CFAP95: variants seen among roughly 807,000 people sequenced by gnomAD.
The protein encoded by CFAP95 is cilia- and flagella-associated protein 95.
At chr9:69,901,908 G>A in the CFAP95 span, among the ~76,000 whole-genome samples, 6 of 152,154 alleles carry the variant, frequency 3.9e-5, no homozygotes, top group Non-Finnish European at 8.8e-5. Flanking sequence ...GTATCTCACT[G>A]TGGTTTTGAT....
At chr9:69,852,184 C>T in the CFAP95 span, among the ~76,000 whole-genome samples, 13 of 149,322 alleles carry the variant, frequency 8.7e-5, no homozygotes, top group African/African-American at 1.2e-4. Context: ...TTTTTGGCAA[C>T]GGTGCAGAAA....
the CFAP95 span, among the ~76,000 whole-genome samples, chr9:69,887,531 A>T: frequency 6.6e-6 from 1 of 152,260 alleles, no homozygotes; most frequent in Non-Finnish European, 1.5e-5. Flanking sequence ...TTTCCTTCAC[A>T]TCAACACTAA....
chr9:69,859,356 T>A, the CFAP95 span, among the ~76,000 whole-genome samples: 1 of 152,110 alleles, frequency 6.6e-6, no homozygotes. Flanking sequence ...TTTTTTTTGG[T>A]TTCATGACTT....
At chr9:69,869,000 C>T in the CFAP95 span, among the ~76,000 whole-genome samples, 2 of 152,060 alleles carry the variant, frequency 1.3e-5, no homozygotes, top group African/African-American at 4.8e-5. Flanking sequence ...AAAAGATAAG[C>T]GTTGGCAAGC....
the CFAP95 span, among the ~76,000 whole-genome samples, chr9:69,858,491 C>T: frequency 6.6e-6 from 1 of 152,164 alleles, no homozygotes; most frequent in African/African-American, 2.4e-5. Context: ...TGAAGTGCTG[C>T]CGTGTTCCTT....
the CFAP95 span, among the ~76,000 whole-genome samples, chr9:69,875,105 G>A: frequency 6.6e-6 from 1 of 152,146 alleles, no homozygotes; most frequent in African/African-American, 2.4e-5. Flanking sequence ...GAATATCCAT[G>A]TTGATTTCCC....
the CFAP95 span, chr9:69,886,820 T>C: frequency 1.2e-6 from 2 of 1,602,170 alleles, no homozygotes; most frequent in East Asian, 2.2e-5. Flanking sequence ...TCTTTCCTCA[T>C]TGACTTATCC....
At chr9:69,854,303 A>G in the CFAP95 span, among the ~76,000 whole-genome samples, 42 of 152,214 alleles carry the variant, frequency 2.8e-4, no homozygotes, top group African/African-American at 9.7e-4. Context: ...AGATATTTAG[A>G]ACAGTTTCTG....
chr9:69,849,389 A>G, the CFAP95 span, among the ~76,000 whole-genome samples: 10 of 152,240 alleles, frequency 6.6e-5, no homozygotes, highest in South Asian at 2.1e-3. Flanking sequence ...GAGGAAGGGA[A>G]GAGGACAAAA....
chr9:69,830,948 T>C, the CFAP95 span, among the ~76,000 whole-genome samples: 82 of 152,322 alleles, frequency 5.4e-4, no homozygotes, highest in Admixed American at 1.3e-3. Context: ...ATGTGTGCCA[T>C]TGCATCCAGA....
At chr9:69,866,626 CA>C in the CFAP95 span, among the ~76,000 whole-genome samples, 1 of 152,312 alleles carries the variant, frequency 6.6e-6, no homozygotes, top group Admixed American at 6.5e-5. Context: ...TCCACTGATT[CA>C]AAAGCTACTC....
At chr9:69,879,017 G>A in the CFAP95 span, among the ~76,000 whole-genome samples, 1 of 152,142 alleles carries the variant, frequency 6.6e-6, no homozygotes, top group African/African-American at 2.4e-5. Context: ...TCACTATTAT[G>A]ACGATGGCAC....
chr9:69,875,192 AT>A, the CFAP95 span, among the ~76,000 whole-genome samples: 1 of 151,974 alleles, frequency 6.6e-6, no homozygotes, highest in South Asian at 2.1e-4. Flanking sequence ...TTAAAAATTG[AT>A]TGTTGCCCTG....
chr9:69,824,194 C>A, the CFAP95 span, among the ~76,000 whole-genome samples: 1 of 152,064 alleles, frequency 6.6e-6, no homozygotes, highest in Non-Finnish European at 1.5e-5. Flanking sequence ...GGTTCCTGAG[C>A]AGGGTTTTGA....
chr9:69,843,759 GC>G, the CFAP95 span, among the ~76,000 whole-genome samples: 1 of 150,324 alleles, frequency 6.7e-6, no homozygotes, highest in Non-Finnish European at 1.5e-5. Context: ...TCCTAGCCCA[GC>G]CTCCCGTGTA....
chr9:69,829,431 G>T, the CFAP95 span, among the ~76,000 whole-genome samples: 1 of 152,162 alleles, frequency 6.6e-6, no homozygotes, highest in Non-Finnish European at 1.5e-5. Flanking sequence ...AAATAAAATC[G>T]TTTTACATGC....
At chr9:69,856,537 T>A in the CFAP95 span, 1 of 1,471,924 alleles carries the variant, frequency 6.8e-7, no homozygotes, top group Non-Finnish European at 9.4e-7. Context: ...TTCTTATATG[T>A]GGCTTCTATG....
At chr9:69,867,304 A>G in the CFAP95 span, among the ~76,000 whole-genome samples, 2 of 152,216 alleles carry the variant, frequency 1.3e-5, no homozygotes, top group African/African-American at 4.8e-5. Context: ...AAGTTTTGGC[A>G]TCCTGATGGG....
chr9:69,898,918 T>A, the CFAP95 span, among the ~76,000 whole-genome samples: 1 of 152,156 alleles, frequency 6.6e-6, no homozygotes, highest in African/African-American at 2.4e-5. Context: ...CTTTTCAGTG[T>A]TATTATAACT....
Sources: allele counts gnomAD v4.1 joint callset (sites outside exome capture counted in the v4.1 genomes callset), GRCh38; gene constraint gnomAD v4.1.1; transcripts MANE v1.5; gene names NCBI Gene and HGNC (gene_info 2026-07-23, HGNC 2026-07-21).